Variants in PLSCR2 observed in about 807,000 individuals in gnomAD.
The protein encoded by PLSCR2 is phospholipid scramblase 2.
PLSCR2 carries 18 observed loss-of-function variants against 25.3 expected under a neutral mutation model. The observed-to-expected ratio is 0.71, with a 90% confidence interval of 0.49 to 1.06. The LOEUF (loss-of-function observed/expected upper bound fraction) is 1.06. PLSCR2 is among the 50% of genes least tolerant of loss of function. The pLI, the probability that PLSCR2 is intolerant of heterozygous loss-of-function variation, is 0.00. For synonymous variants in PLSCR2, 88 were observed against 87.3 expected, an observed-to-expected ratio of 1.01 and a Z score of -0.04; for missense variants, 243 against 269.5, an observed-to-expected ratio of 0.90 and a Z score of 0.69.
At chr3:146,446,925 T>G (rs1471681204) in intron 6 of PLSCR2, among the ~76,000 whole-genome samples, 1 of 152,184 alleles carries the variant, frequency 6.6e-6, no homozygotes, top group African/African-American at 2.4e-5. Flanking sequence ...GTCTTTCTCA[T>G]TGGCCACCAC....
chr3:146,420,218 G>C (rs972668599), intron 2 of PLSCR2, among the ~76,000 whole-genome samples: 3 of 151,946 alleles, frequency 2.0e-5, no homozygotes, highest in Non-Finnish European at 4.4e-5. Flanking sequence ...TAGAGGAGTA[G>C]ATTTTCAGAC....
In PLSCR2 at chr3:146,405,312, T is replaced by A. The variant is rs544189506; in HGVS notation, c.101-9391A>T. ...GGGGCTTTGGGTGGTATCAATCAGA[T>A]GAATTCTTGGGAATTGCGGATATAG... On this transcript the variant is annotated intron_variant and NMD_transcript_variant, in intron 2 of 3. Coordinates refer to the PLSCR2 transcript ENST00000463633. Among the ~76,000 whole-genome samples the A allele has an allele frequency of 3.3e-5, 5 of 152,298 alleles. No homozygotes were observed. In the South Asian group the frequency reaches 1.0e-3, roughly 32 times the overall value.
At chr3:146,392,758 T>G (rs1409301234) in intron 3 of PLSCR2, among the ~76,000 whole-genome samples, 2 of 151,614 alleles carry the variant, frequency 1.3e-5, no homozygotes, top group Non-Finnish European at 2.9e-5. Flanking sequence ...GAAAGACCTA[T>G]TTTGTCTAGA....
chr3:146,433,884 G>A (rs892721020), intron 8 of PLSCR2, among the ~76,000 whole-genome samples: 3 of 152,124 alleles, frequency 2.0e-5, no homozygotes, highest in East Asian at 1.9e-4. Flanking sequence ...GAGTTCTGCT[G>A]GTGGTAACAC....
intron 6 of PLSCR2, among the ~76,000 whole-genome samples, 185 bp from the exon 7 acceptor site, chr3:146,442,006 G>T (rs2040270570): frequency 1.3e-5 from 2 of 151,968 alleles, no homozygotes; most frequent in South Asian, 2.1e-4. Context: ...TATTTTAATA[G>T]AAATTAAATC....
intron 5 of PLSCR2, among the ~76,000 whole-genome samples, chr3:146,453,801 C>T (rs1043183904): frequency 1.3e-5 from 2 of 152,108 alleles, no homozygotes; most frequent in East Asian, 3.9e-4. Context: ...AGCTCTGCTT[C>T]TCTTTTATCC....
At chr3:146,408,343 G>A (rs58872242) in intron 2 of PLSCR2, among the ~76,000 whole-genome samples, 38,257 of 151,964 alleles carry the variant, frequency 0.25, 5,029 homozygotes, top group Admixed American at 0.34. Context: ...GAGGGCTAAA[G>A]CAGGGGCTTC....
chr3:146,484,783 G>A (rs959213246), intron 1 of PLSCR2, among the ~76,000 whole-genome samples: 11 of 151,948 alleles, frequency 7.2e-5, no homozygotes, highest in Admixed American at 1.3e-4. Flanking sequence ...AAGAGTTCCT[G>A]AAAAAAGCAC....
intron 1 of PLSCR2, among the ~76,000 whole-genome samples, chr3:146,493,969 T>A (rs2043653632): frequency 6.6e-6 from 1 of 152,102 alleles, no homozygotes; most frequent in South Asian, 2.1e-4. Flanking sequence ...GTTGATTACA[T>A]CATGGCTACT....
At chr3:146,460,701 A>T (rs1473718024), upstream of PLSCR2, among the ~76,000 whole-genome samples, 1 of 152,080 alleles carries the variant, frequency 6.6e-6, no homozygotes, top group African/African-American at 2.4e-5. Context: ...ACATCCTAAA[A>T]TGCCCAGAAC....
intron 3 of PLSCR2, among the ~76,000 whole-genome samples, chr3:146,393,887 T>C (rs1364994523): frequency 6.6e-6 from 1 of 151,936 alleles, no homozygotes; most frequent in Non-Finnish European, 1.5e-5. Flanking sequence ...ATAACTTTAC[T>C]AATGTTCTGT....
downstream of PLSCR2, among the ~76,000 whole-genome samples, chr3:146,429,865 T>C (rs2039484485): frequency 6.6e-6 from 1 of 152,100 alleles, no homozygotes; most frequent in African/African-American, 2.4e-5. Context: ...GACCGTGTGA[T>C]CCGCCCACCT....
downstream of PLSCR2, among the ~76,000 whole-genome samples, chr3:146,439,902 G>T (rs6774338): frequency 9.9e-5 from 15 of 152,030 alleles, no homozygotes; most frequent in South Asian, 2.1e-3. Context: ...CCGTCTTTGT[G>T]GTTTTATCTA....
intron 1 of PLSCR2, among the ~76,000 whole-genome samples, chr3:146,484,486 C>T (rs1208843486): frequency 5.9e-5 from 9 of 151,916 alleles, no homozygotes; most frequent in Non-Finnish European, 8.8e-5. Context: ...GACAAATAAT[C>T]GTCAGATTCT....
At chr3:146,396,537 G>C (rs1319100301) in intron 2 of PLSCR2, among the ~76,000 whole-genome samples, 2 of 152,128 alleles carry the variant, frequency 1.3e-5, no homozygotes, top group African/African-American at 4.8e-5. Flanking sequence ...AAATGGTAGG[G>C]GCATGGTTTT....
chr3:146,480,441 A>C (rs1008781836), intron 1 of PLSCR2, among the ~76,000 whole-genome samples: 1 of 152,136 alleles, frequency 6.6e-6, no homozygotes, highest in South Asian at 2.1e-4. Flanking sequence ...AAACTACCAT[A>C]AGAGAAAACT....
intron 3 of PLSCR2, 80 bp from the exon 4 acceptor site, chr3:146,455,539 A>C: frequency 1.2e-6 from 1 of 816,482 alleles, no homozygotes; most frequent in Non-Finnish European, 2.0e-6. Context: ...AGCTAGTTTT[A>C]GATGATGCTC....
intron 3 of PLSCR2, among the ~76,000 whole-genome samples, chr3:146,457,737 G>A (rs774088294): frequency 4.6e-5 from 7 of 152,352 alleles, no homozygotes; most frequent in Admixed American, 2.0e-4. Context: ...ACAAATTGGA[G>A]AGAAAAGAGC....
downstream of PLSCR2, among the ~76,000 whole-genome samples, chr3:146,432,313 G>A (rs1339577546): frequency 6.6e-6 from 1 of 152,002 alleles, no homozygotes; most frequent in Non-Finnish European, 1.5e-5. Flanking sequence ...GTTGTACAAA[G>A]CTTATCTTAC....
Sources: gnomAD v4.1 joint callset for allele counts (sites outside exome capture counted in the v4.1 genomes callset) on GRCh38, gnomAD v4.1.1 for gene constraint, MANE v1.5 for transcripts, NCBI Gene and HGNC (gene_info 2026-07-23, HGNC 2026-07-21) for gene names.